DCBLD1: variants seen among roughly 807,000 people sequenced by gnomAD.
DCBLD1 encodes discoidin, CUB and LCCL domain-containing protein 1.
A neutral mutation model predicts 71.5 loss-of-function variants in DCBLD1; 57 were observed. The observed-to-expected ratio is 0.80, with a 90% CI of 0.64 to 0.99. The LOEUF (loss-of-function observed/expected upper bound fraction) is 0.99, where lower values mean the gene tolerates loss of function less well. Among genes scored for constraint, DCBLD1 ranks in the 50% least tolerant of loss-of-function variants. DCBLD1 has a pLI of 0.00. For synonymous variants in DCBLD1, 380 were observed against 363.8 expected (o/e 1.04, Z -0.51); for missense variants, 891 against 923.5 (o/e 0.96, Z 0.46).
In DCBLD1 at chr6:117,519,814, A is replaced by G. The variant is rs1467459257; in HGVS notation, c.326-2A>G. 4.1e-5 allele frequency: 65 copies of G among 1,602,182 alleles called. No homozygotes were observed. Among genetic ancestry groups the G allele is most frequent in the Non-Finnish European group, 5.4e-5 (63 of 1,170,132 alleles). ...TGTGCCACAAGTGTGCTTTGTTTTTAGGTCCATACTGTGGAAGTATGACTG... is the reference window on the plus strand; with the variant it reads ...TGTGCCACAAGTGTGCTTTGTTTTTGGGTCCATACTGTGGAAGTATGACTG... On this transcript the variant is annotated splice_acceptor_variant, in intron 2 of 14. Transcript: ENST00000338728. LOFTEE classifies it high-confidence loss of function.
intron 1 of DCBLD1, among the ~76,000 whole-genome samples, chr6:117,483,159 T>C (rs562654273): frequency 2.0e-5 from 3 of 152,162 alleles, no homozygotes; most frequent in African/African-American, 7.2e-5. Context: ...ACCTGGCGTC[T>C]CTGCACTTTC....
chr6:117,555,975 G>A (rs190794503), intron 14 of DCBLD1, among the ~76,000 whole-genome samples: 1 of 152,220 alleles, frequency 6.6e-6, no homozygotes, highest in East Asian at 1.9e-4. Context: ...GTGTGACCCT[G>A]GAAAAATCAG....
At chr6:117,491,715 T>C (rs1777299431) in intron 1 of DCBLD1, among the ~76,000 whole-genome samples, 1 of 152,202 alleles carries the variant, frequency 6.6e-6, no homozygotes. Flanking sequence ...TATTAGTTAT[T>C]ATGTCTCTTT....
intron 7 of DCBLD1, among the ~76,000 whole-genome samples, chr6:117,537,658 G>T (rs1778943064): frequency 5.5e-5 from 4 of 73,082 alleles, no homozygotes; most frequent in Admixed American, 1.4e-4. Context: ...AGGTTACATA[G>T]CACCTTTTTT....
chr6:117,556,241 A>G (rs1000204497), intron 14 of DCBLD1, among the ~76,000 whole-genome samples: 18 of 152,142 alleles, frequency 1.2e-4, no homozygotes, highest in African/African-American at 4.3e-4. Context: ...TTATAGGTTT[A>G]GGGGGTAGAA....
chr6:117,548,686 TC>T lies in DCBLD1; in HGVS notation c.*248del. The T allele has an allele frequency of 7.1e-7, 1 of 1,410,168 alleles. No individual in the cohort carries two copies. The highest frequency in any genetic ancestry group is 9.2e-7 in the Non-Finnish European group (1 of 1,087,866). The allele number at this position is 1,410,168 out of a possible 1,614,324, so 87.4% of individuals were successfully genotyped here. On this transcript the variant is annotated 3_prime_UTR_variant, in exon 15 of 15. Transcript: ENST00000338728. ...TGTTGGGCTAGAAAAATGAAAATTTTCAGATGGCGTTTTCATTCCTCTGACT... is the reference window on the plus strand; with the variant it reads ...TGTTGGGCTAGAAAAATGAAAATTTTAGATGGCGTTTTCATTCCTCTGACT...
At chr6:117,549,830 G>C (rs1332206992), downstream of DCBLD1, 1 of 985,242 alleles carries the variant, frequency 1.0e-6, no homozygotes. Flanking sequence ...AGCCCTGCTC[G>C]CTGGGGTGTT....
intron 1 of DCBLD1, among the ~76,000 whole-genome samples, chr6:117,498,702 A>C (rs1050836166): frequency 3.3e-5 from 5 of 151,872 alleles, no homozygotes; most frequent in African/African-American, 9.7e-5. Context: ...AACCATCAAC[A>C]TTTCTCCGTA....
chr6:117,506,213 A>G (rs1002902269), intron 2 of DCBLD1, among the ~76,000 whole-genome samples: 1 of 152,036 alleles, frequency 6.6e-6, no homozygotes, highest in Non-Finnish European at 1.5e-5. Context: ...ACAGGTGGGG[A>G]AACCGAGGCA....
chr6:117,543,209 A>G lies in DCBLD1; in HGVS notation c.1443A>G (p.Arg481=). The G allele has an allele frequency of 6.2e-7, 1 of 1,613,930 alleles. No homozygotes were observed. The highest frequency in any genetic ancestry group is 1.1e-5 in the South Asian group (1 of 91,080). Residue 481 remains arginine (R), a splice_region_variant and synonymous_variant, in exon 12 of 15, where the codon AGA becomes AGG. Transcript: ENST00000338728. ...GAATGGGGATCTTTGCAGCCTTTAG[A>G]AAGTATGGTGACTTTACATGTTTAA... ...FAGMGIFAAF[R]KKKKKGSPYG...
chr6:117,519,640 ACAAT>A (rs1377163798), intron 2 of DCBLD1, among the ~76,000 whole-genome samples, 172 bp from the exon 3 acceptor site: 1 of 152,210 alleles, frequency 6.6e-6, no homozygotes, highest in Non-Finnish European at 1.5e-5. Context: ...GGCTTAGTTC[ACAAT>A]CAGTCAGAAA....
Position 117,503,957 on chromosome 6 carries a change from C to T in DCBLD1, c.303C>T (p.Phe101=). ...CCTGTGCTTCTGACTATCTTCTCTT[C>T]ACCAGCTCTTCAGATCAATATGGTA... ...SQTCASDYLL[F]TSSSDQYGPY... Residue 101 remains phenylalanine (F), a synonymous_variant, in exon 2 of 15, where the codon TTC becomes TTT. Transcript: ENST00000338728. The T allele has an allele frequency of 6.2e-7, 1 of 1,614,078 alleles. No homozygotes were observed. Among genetic ancestry groups the T allele is most frequent in the South Asian group, 1.1e-5 (1 of 91,080 alleles).
At chr6:117,496,033 C>A (rs1777458562) in intron 1 of DCBLD1, among the ~76,000 whole-genome samples, 1 of 152,146 alleles carries the variant, frequency 6.6e-6, no homozygotes, top group Non-Finnish European at 1.5e-5. Context: ...TTGAAAGTTT[C>A]CACAGAGAGA....
At chr6:117,563,735 A>T (rs1352026289) in intron 14 of DCBLD1, among the ~76,000 whole-genome samples, 4 of 139,766 alleles carry the variant, frequency 2.9e-5, no homozygotes, top group South Asian at 4.5e-4. Context: ...TAAAAAAATT[A>T]AAAAAAAAAA....
At chr6:117,542,477 C>G (rs1386120248) in intron 11 of DCBLD1, among the ~76,000 whole-genome samples, 1 of 152,054 alleles carries the variant, frequency 6.6e-6, no homozygotes, top group African/African-American at 2.4e-5. Flanking sequence ...TTTTCCTTTA[C>G]TTTGTGTATT....
Position 117,549,430 on chromosome 6 carries a change from C to G in DCBLD1, c.*991C>G. The G allele has an allele frequency of 3.0e-6, 3 of 985,384 alleles. No individual in the cohort carries two copies. The highest frequency in any genetic ancestry group is 3.6e-6 in the Non-Finnish European group (3 of 829,932). 61.0% of individuals were successfully genotyped at this position (985,384 alleles called of 1,614,324 possible). On this transcript the variant is annotated 3_prime_UTR_variant, in exon 15 of 15. Coordinates refer to ENST00000338728, the MANE Select transcript of DCBLD1 (RefSeq NM_001366458.2). The stretch of plus-strand genomic sequence containing the variant: ...ATCTCATTTTATAAGAAATGATTTT[C>G]CCCTCAAGGAGGCGTCTGTAATTCC...
chr6:117,493,049 A>C (rs1049089054), intron 1 of DCBLD1, among the ~76,000 whole-genome samples: 1 of 152,230 alleles, frequency 6.6e-6, no homozygotes, highest in African/African-American at 2.4e-5. Flanking sequence ...AGTGAAAATA[A>C]GTATCAGATA....
At position 117,548,221 on chromosome 6, in the gene DCBLD1, G is replaced by A. The variant is rs1414828869; in HGVS notation, c.1930G>A (p.Gly644Ser). Residue 644 changes from glycine (G) to serine (S), a missense_variant, in exon 15 of 15, where the codon GGT becomes AGT. Transcript: ENST00000338728. ...CTCGGGCGGCTTCTCCCCCGTAGCG[G>A]GTGTGGGCGCCCAGGACGGAGACTA... is the stretch of plus-strand genomic sequence containing the variant. The part of the protein sequence containing the change: ...LSSGGFSPVA[G>S]VGAQDGDYQR... 4 of 1,550,574 alleles carry A rather than the reference G, an allele frequency of 2.6e-6. No individual in the cohort carries two copies. Among genetic ancestry groups the A allele is most frequent in the Non-Finnish European group, 1.7e-6 (2 of 1,146,986 alleles).
At chr6:117,529,509 G>C (rs1778647274) in intron 5 of DCBLD1, among the ~76,000 whole-genome samples, 1 of 152,132 alleles carries the variant, frequency 6.6e-6, no homozygotes, top group Admixed American at 6.5e-5. Flanking sequence ...TTACATTTCA[G>C]TGAGACTTAG....
Sources: gnomAD v4.1 joint callset for allele counts (sites outside exome capture counted in the v4.1 genomes callset) on GRCh38, gnomAD v4.1.1 for gene constraint, MANE v1.5 for transcripts, NCBI Gene and HGNC (gene_info 2026-07-23, HGNC 2026-07-21) for gene names.